Variants in PCCA observed in about 807,000 individuals in gnomAD.
PCCA encodes propionyl-CoA carboxylase alpha chain, mitochondrial.
Under a neutral mutation model 101.3 loss-of-function variants are expected in PCCA, and 74 were observed. The observed-to-expected ratio is 0.73, with a 90% CI of 0.61 to 0.89. PCCA has a LOEUF of 0.89. Among genes scored for constraint, PCCA ranks in the 40% least tolerant of loss-of-function variants. PCCA has a pLI of 0.00. For missense variants in PCCA, 891 were observed against 907.0 expected (o/e 0.98, Z 0.23); for synonymous variants, 294 against 313.6 (o/e 0.94, Z 0.66).
At chr13:100,526,998 C>T (rs963775055) in intron 22 of PCCA, among the ~76,000 whole-genome samples, 6 of 152,162 alleles carry the variant, frequency 3.9e-5, no homozygotes, top group African/African-American at 9.7e-5. Context: ...TGTGGGTACT[C>T]GCTGTGTCTT....
intron 21 of PCCA, among the ~76,000 whole-genome samples, chr13:100,510,652 T>TG (rs2086411809): frequency 6.6e-6 from 1 of 152,238 alleles, no homozygotes; most frequent in Non-Finnish European, 1.5e-5. Context: ...TGCTGCCTGT[T>TG]GCATCTTTTC....
chr13:100,318,855 T>C (rs1269728570), intron 16 of PCCA, among the ~76,000 whole-genome samples: 1 of 152,180 alleles, frequency 6.6e-6, no homozygotes, highest in African/African-American at 2.4e-5. Flanking sequence ...TACCCAGTAA[T>C]GAGATGGCTG....
chr13:100,113,580 C>CTT (rs142922710), intron 4 of PCCA, among the ~76,000 whole-genome samples: 9 of 134,668 alleles, frequency 6.7e-5, no homozygotes, highest in Non-Finnish European at 9.4e-5. Context: ...TTGACTCTTT[C>CTT]TTTTTTTTTT....
At position 100,516,298 on chromosome 13, in the gene PCCA, A is replaced by G. The variant is rs574212949; in HGVS notation, c.2040+731A>G. Among the ~76,000 whole-genome samples the G allele has an allele frequency of 3.9e-5, 6 of 152,364 alleles. No homozygotes were observed. The South Asian group carries it at 1.2e-3, about 32-fold the overall frequency. Reference sequence around the variant, plus strand: ...ATGTGCAGGAAAATAGCATCCGGACATGACTGTCTCTCATGGATGAGGTGG... The same window carrying G: ...ATGTGCAGGAAAATAGCATCCGGACGTGACTGTCTCTCATGGATGAGGTGG... On this transcript the variant is annotated intron_variant, in intron 22 of 23. Transcript: ENST00000376285.
intron 21 of PCCA, among the ~76,000 whole-genome samples, chr13:100,477,749 G>A (rs2083524962): frequency 6.6e-6 from 1 of 152,212 alleles, no homozygotes; most frequent in African/African-American, 2.4e-5. Flanking sequence ...GCCCTATGAA[G>A]CGTGTGTTCT....
chr13:100,319,526 A>T (rs1026512289), intron 16 of PCCA, among the ~76,000 whole-genome samples: 3 of 152,170 alleles, frequency 2.0e-5, no homozygotes, highest in African/African-American at 7.2e-5. Context: ...GGTGTAAGGA[A>T]GGGATCCAGT....
At chr13:100,416,714 G>C (rs960476213) in intron 19 of PCCA, among the ~76,000 whole-genome samples, 6 of 150,652 alleles carry the variant, frequency 4.0e-5, no homozygotes, top group African/African-American at 1.5e-4. Flanking sequence ...TAGTAGAGAC[G>C]GGGTTTCACC....
At chr13:100,316,709 G>T (rs968864598) in intron 16 of PCCA, among the ~76,000 whole-genome samples, 1 of 151,926 alleles carries the variant, frequency 6.6e-6, no homozygotes, top group African/African-American at 2.4e-5. Flanking sequence ...ATTTATACCA[G>T]CAGTAGGCTA....
At chr13:100,126,455 A>G (rs7319103) in intron 4 of PCCA, among the ~76,000 whole-genome samples, 4,092 of 152,232 alleles carry the variant, frequency 0.027, 184 homozygotes, top group African/African-American at 0.093. Context: ...TCAGAGACAA[A>G]TTAATATTTA....
chr13:100,434,367 G>A (rs1196391945), intron 20 of PCCA, among the ~76,000 whole-genome samples: 1 of 152,112 alleles, frequency 6.6e-6, no homozygotes, highest in Admixed American at 6.6e-5. Context: ...CATTTTCTGA[G>A]CCTCAACAAT....
intron 18 of PCCA, among the ~76,000 whole-genome samples, chr13:100,341,989 A>ATC (rs2071430679): frequency 9.8e-6 from 1 of 102,060 alleles, no homozygotes; most frequent in Non-Finnish European, 2.2e-5. Context: ...ATATGTATTT[A>ATC]TGTGTGTGTA....
chr13:100,280,095 C>T (rs1432715121), intron 12 of PCCA, among the ~76,000 whole-genome samples: 2 of 150,412 alleles, frequency 1.3e-5, no homozygotes, highest in Admixed American at 6.6e-5. Flanking sequence ...AATACAGTTT[C>T]TCCATAAAGA....
intron 12 of PCCA, among the ~76,000 whole-genome samples, chr13:100,285,102 A>G (rs988534193): frequency 5.3e-5 from 8 of 152,184 alleles, no homozygotes; most frequent in Non-Finnish European, 1.2e-4. Flanking sequence ...TCATCAAGGA[A>G]CGAATACAGC....
intron 20 of PCCA, among the ~76,000 whole-genome samples, chr13:100,439,845 G>A (rs1002628658): frequency 2.0e-5 from 3 of 152,022 alleles, no homozygotes; most frequent in Non-Finnish European, 2.9e-5. Context: ...ATCCTGCTAA[G>A]GTCTAACAAT....
chr13:100,162,187 C>CT (rs1051690671), intron 6 of PCCA, among the ~76,000 whole-genome samples: 1 of 151,770 alleles, frequency 6.6e-6, no homozygotes, highest in African/African-American at 2.4e-5. Flanking sequence ...GTAGGACTTA[C>CT]TTTTTTTATA....
intron 2 of PCCA, chr13:100,104,631 A>G (rs375852746): frequency 6.6e-6 from 1 of 152,198 alleles, no homozygotes; most frequent in African/African-American, 2.4e-5. Flanking sequence ...TAAATTACCT[A>G]GTCTTGGGTA....
chr13:100,307,245 T>A lies in PCCA; in HGVS notation c.1338T>A (p.Asp446Glu), dbSNP rs1250182487. 2.5e-6 allele frequency: 4 copies of A among 1,600,854 alleles called. No homozygotes were observed. In the South Asian group the frequency reaches 3.3e-5, roughly 13 times the overall value. The change falls in exon 15 of 24, where the codon GAT (aspartate) becomes GAA (glutamate). Residue 446 changes from aspartate (D) to glutamate (E), a missense_variant. Asp to Glu is a conservative substitution (Grantham distance 45). Transcript: ENST00000376285. ...QPGSDISIYY[D>E]PMISKLITYG... Reference sequence around the variant, plus strand: ...GAAGTGATATTAGCATTTATTATGATCCTATGATTTCAAAAGTTAGTTTAA... The same window carrying A: ...GAAGTGATATTAGCATTTATTATGAACCTATGATTTCAAAAGTTAGTTTAA...
Position 100,377,663 on chromosome 13 carries a change from T to G in PCCA, c.1746+9089T>G, listed in dbSNP as rs539125101. The stretch of plus-strand genomic sequence containing the variant: ...GCGCCTGCCACCACGCCCGGCTAAT[T>G]TTTTATATTTTTAGTAGAGACAGGG... On this transcript the variant is annotated intron_variant, in intron 19 of 23. Coordinates refer to ENST00000376285, the MANE Select transcript of PCCA (RefSeq NM_000282.4). 2.5e-4 allele frequency among the ~76,000 whole-genome samples: 38 copies of G among 151,840 alleles called. No homozygotes were observed. The South Asian group carries it at 7.5e-3, about 30-fold the overall frequency.
intron 12 of PCCA, among the ~76,000 whole-genome samples, chr13:100,290,810 T>C (rs2065061629): frequency 6.6e-6 from 1 of 152,244 alleles, no homozygotes; most frequent in Non-Finnish European, 1.5e-5. Context: ...TATTTCTTTA[T>C]TGATCTTCCA....
Sources: gnomAD v4.1 joint callset for allele counts (sites outside exome capture counted in the v4.1 genomes callset) on GRCh38, gnomAD v4.1.1 for gene constraint, MANE v1.5 for transcripts, NCBI Gene and HGNC (gene_info 2026-07-23, HGNC 2026-07-21) for gene names.